SYK: variants seen among roughly 807,000 people sequenced by gnomAD.
SYK encodes the protein tyrosine-protein kinase SYK.
In SYK, 16 loss-of-function variants were observed where a neutral mutation model predicts 77.8. The observed-to-expected ratio is 0.21, with a 90% confidence interval of 0.14 to 0.31. The LOEUF is 0.31. Among genes scored for constraint, SYK ranks in the 10% least tolerant of loss-of-function variants. The pLI is 1.00. For synonymous variants in SYK, 312 were observed against 308.7 expected, an observed-to-expected ratio of 1.01 and a Z score of -0.11; for missense variants, 529 against 814.4, an observed-to-expected ratio of 0.65 and a Z score of 4.26.
chr9:90,883,273 C>T (rs773443434), intron 11 of SYK, among the ~76,000 whole-genome samples: 1 of 152,068 alleles, frequency 6.6e-6, no homozygotes, highest in Non-Finnish European at 1.5e-5. Context: ...CACTGCTCCC[C>T]CTGAGAATGT....
At chr9:90,867,055 G>A (rs1827526270) in intron 6 of SYK, 76 bp from the exon 7 acceptor site, 2 of 1,549,592 alleles carry the variant, frequency 1.3e-6, no homozygotes, top group Non-Finnish European at 1.8e-6. Context: ...GCAAATTTAA[G>A]TAGCATGTCG....
chr9:90,874,943 C>T (rs1827871584), intron 9 of SYK, 94 bp downstream of exon 9: 1 of 1,404,950 alleles, frequency 7.1e-7, no homozygotes, highest in Admixed American at 2.2e-5. Context: ...ATGACTAAAC[C>T]CTTTTTTTAT....
chr9:90,820,392 C>G (rs1267538440), intron 1 of SYK, among the ~76,000 whole-genome samples: 5 of 152,240 alleles, frequency 3.3e-5, no homozygotes, highest in Non-Finnish European at 5.9e-5. Flanking sequence ...GAACTTTTGC[C>G]TGGTCATCCA....
Position 90,879,146 on chromosome 9 carries a change from T to G in SYK, c.1581+193T>G, listed in dbSNP as rs140921904. Among the ~76,000 whole-genome samples the G allele has an allele frequency of 2.6e-5, 4 of 152,366 alleles. No homozygotes were observed. In the East Asian group the frequency reaches 7.7e-4, roughly 29 times the overall value. On this transcript the variant is annotated intron_variant, in intron 11 of 13. Coordinates refer to ENST00000375754, the MANE Select transcript of SYK (RefSeq NM_003177.7). ...TAAAAATAATATCACACCTTGAGAT[T>G]TACTCAAAGTAGTATATTCTAAATT...
intron 13 of SYK, among the ~76,000 whole-genome samples, chr9:90,893,863 A>C (rs1186135683): frequency 6.6e-6 from 1 of 152,180 alleles, no homozygotes; most frequent in East Asian, 1.9e-4. Context: ...GCAGAGCAGA[A>C]TCTGCACTCT....
rs1252384500 is a variant in SYK, at chr9:90,884,778, CATGTGTACATGCACATATACACAT to C, written c.1582-2960_1582-2937del. On this transcript the variant is annotated intron_variant, in intron 11 of 13. Coordinates refer to ENST00000375754, the MANE Select transcript of SYK (RefSeq NM_003177.7). ...ACATATGTGTACATGCACATATACA[CATGTGTACATGCACATATACACAT>C]ATGTGTACATACACATATACACATA... 6.3e-4 allele frequency among the ~76,000 whole-genome samples: 11 copies of C among 17,332 alleles called. 4 individuals are homozygous for C. Among genetic ancestry groups the C allele is most frequent in the Non-Finnish European group, 9.8e-4 (11 of 11,276 alleles). The allele number at this position is 17,332 out of a possible 152,430, so 11.4% of individuals were successfully genotyped here. A position where few individuals can be genotyped will look rare whatever the true frequency, so the allele number is the denominator to read the frequency against.
At chr9:90,853,247 G>T (rs188412627) in intron 3 of SYK, among the ~76,000 whole-genome samples, 1 of 148,036 alleles carries the variant, frequency 6.8e-6, no homozygotes, top group African/African-American at 2.5e-5. Context: ...CTAGTGTGTC[G>T]CTAACTATAG....
In SYK at chr9:90,887,887, C is replaced by A. The variant is rs1227641450; in HGVS notation, c.1720C>A (p.Arg574=). 1 of 1,600,508 alleles carries A rather than the reference C, an allele frequency of 6.2e-7. No individual in the cohort carries two copies. Among genetic ancestry groups the A allele is most frequent in the Non-Finnish European group, 8.5e-7 (1 of 1,171,224 alleles). Residue 574 remains arginine (R), a splice_region_variant and synonymous_variant, in exon 12 of 14, where the codon CGA becomes AGA. Coordinates refer to ENST00000375754, the MANE Select transcript of SYK (RefSeq NM_003177.7). ...ATTCTCCTATGGGCAGAAGCCATAT[C>A]GAGTGAGCCAGTCCTGCTTCATTTT... ...EAFSYGQKPY[R]GMKGSEVTAM... is the part of the protein sequence containing the mutation.
chr9:90,837,593 G>A (rs1826131388), intron 1 of SYK, among the ~76,000 whole-genome samples: 1 of 152,086 alleles, frequency 6.6e-6, no homozygotes, highest in African/African-American at 2.4e-5. Context: ...GAGCCTTGTG[G>A]AGGAGCAATG....
At chr9:90,875,704 A>G (rs1827899800) in intron 9 of SYK, among the ~76,000 whole-genome samples, 1 of 152,250 alleles carries the variant, frequency 6.6e-6, no homozygotes, top group Admixed American at 6.5e-5. Flanking sequence ...TTCAGATAAC[A>G]ATACATATTA....
chr9:90,836,639 T>C lies in SYK; in HGVS notation c.-41-7219T>C, dbSNP rs1419322481. On this transcript the variant is annotated intron_variant, in intron 1 of 13. Coordinates refer to ENST00000375754, the MANE Select transcript of SYK (RefSeq NM_003177.7). ...ATCATCTCTGTGTGAGCAGTTCATC[T>C]CTCCAGTAAATTGCATATTGCAGTA... 3.3e-5 allele frequency among the ~76,000 whole-genome samples: 5 copies of C among 152,350 alleles called. No homozygotes were observed. The East Asian group carries it at 9.6e-4, about 29-fold the overall frequency.
intron 1 of SYK, among the ~76,000 whole-genome samples, chr9:90,812,204 A>G (rs1825108302): frequency 6.6e-6 from 1 of 152,172 alleles, no homozygotes. Flanking sequence ...TGCCTGCAGT[A>G]TTTACAACGA....
chr9:90,884,590 T>C (rs866192333), intron 11 of SYK, among the ~76,000 whole-genome samples: 1 of 53,448 alleles, frequency 1.9e-5, no homozygotes, highest in Non-Finnish European at 3.5e-5. Flanking sequence ...CACATACACA[T>C]ATGTGTACAT....
At chr9:90,836,192 CAGG>C (rs1471965646) in intron 1 of SYK, among the ~76,000 whole-genome samples, 2 of 150,776 alleles carry the variant, frequency 1.3e-5, no homozygotes, top group Non-Finnish European at 2.9e-5. Context: ...GAGGCTGAGG[CAGG>C]AGAACAGCGT....
chr9:90,856,740 CTT>C (rs938750866), intron 3 of SYK, among the ~76,000 whole-genome samples: 1 of 152,042 alleles, frequency 6.6e-6, no homozygotes, highest in Non-Finnish European at 1.5e-5. Context: ...ACTACCGAAA[CTT>C]TTGGAGGATG....
intron 9 of SYK, among the ~76,000 whole-genome samples, chr9:90,875,887 T>C (rs868094072): frequency 9.9e-5 from 15 of 152,252 alleles, no homozygotes; most frequent in Admixed American, 2.0e-4. Context: ...ATTTAGTAGC[T>C]TCATGGTATT....
At chr9:90,823,549 G>C (rs1825584556) in intron 1 of SYK, among the ~76,000 whole-genome samples, 1 of 152,032 alleles carries the variant, frequency 6.6e-6, no homozygotes, top group Admixed American at 6.5e-5. Context: ...TATGTTCTCA[G>C]AACACAGTAT....
At chr9:90,855,239 A>T (rs1043562385) in intron 3 of SYK, among the ~76,000 whole-genome samples, 3 of 152,176 alleles carry the variant, frequency 2.0e-5, no homozygotes, top group African/African-American at 7.2e-5. Flanking sequence ...AATTTTTATG[A>T]TTCCCTTATA....
At chr9:90,883,387 C>T (rs1414887638) in intron 11 of SYK, among the ~76,000 whole-genome samples, 3 of 152,098 alleles carry the variant, frequency 2.0e-5, no homozygotes, top group Admixed American at 6.5e-5. Flanking sequence ...TGCCACTGCC[C>T]CGCCACATAG....
Sources: allele counts gnomAD v4.1 joint callset (sites outside exome capture counted in the v4.1 genomes callset), GRCh38; gene constraint gnomAD v4.1.1; transcripts MANE v1.5; gene names NCBI Gene and HGNC (gene_info 2026-07-23, HGNC 2026-07-21).